The following CCDC30 variants were observed in gnomAD, a reference collection of about 807,000 sequenced individuals.
CCDC30 encodes the protein coiled-coil domain-containing protein 30.
CCDC30 carries 70 observed loss-of-function variants against 100.2 expected under a neutral mutation model. The ratio of observed to expected loss-of-function variants is 0.70; its 90% CI spans 0.58 to 0.85. CCDC30 has a LOEUF of 0.85. Among genes scored for constraint, CCDC30 ranks in the 40% least tolerant of loss-of-function variants. The pLI, the probability that CCDC30 is intolerant of heterozygous loss-of-function variation, is 0.00. For synonymous variants in CCDC30, 233 were observed against 269.5 expected, an observed-to-expected ratio of 0.86 and a Z score of 1.33; for missense variants, 652 against 771.2, an observed-to-expected ratio of 0.85 and a Z score of 1.83.
At position 42,531,585 on chromosome 1, in the gene CCDC30, A is replaced by G. The variant is rs142771993; in HGVS notation, c.456+32669A>G. On this transcript the variant is annotated intron_variant, in intron 6 of 16. Coordinates refer to ENST00000668663, the Ensembl canonical transcript of CCDC30. Reference sequence around the variant, plus strand: ...AGACCAGCCTGGGCAACATGGCAAAACCCCACCTCCACAAAAAAATACAAA... The same window carrying G: ...AGACCAGCCTGGGCAACATGGCAAAGCCCCACCTCCACAAAAAAATACAAA... Among the ~76,000 whole-genome samples, 790 of 151,826 alleles carry G rather than the reference A, an allele frequency of 5.2e-3. 7 individuals carry two copies. The highest frequency in any genetic ancestry group is 0.018 in the African/African-American group (763 of 41,358).
exon 16 of CCDC30, chr1:42,653,386 T>G: frequency 6.2e-7 from 1 of 1,601,972 alleles, no homozygotes; most frequent in Non-Finnish European, 8.5e-7. Context: ...GAAACAACAA[T>G]TAGTGACATC....
At chr1:42,640,573 T>G (rs1385440297) in intron 12 of CCDC30, among the ~76,000 whole-genome samples, 1 of 152,160 alleles carries the variant, frequency 6.6e-6, no homozygotes, top group Non-Finnish European at 1.5e-5. Context: ...CGGAACATAA[T>G]CTAATCAACA....
At chr1:42,462,217 G>A (rs1469854367), upstream of CCDC30, among the ~76,000 whole-genome samples, 1 of 152,150 alleles carries the variant, frequency 6.6e-6, no homozygotes, top group Non-Finnish European at 1.5e-5. Flanking sequence ...AAATTCCAGG[G>A]GGGTGGGGGA....
At chr1:42,533,072 T>C (rs1644832165) in intron 6 of CCDC30, among the ~76,000 whole-genome samples, 1 of 152,242 alleles carries the variant, frequency 6.6e-6, no homozygotes, top group African/African-American at 2.4e-5. Flanking sequence ...CTTTTAGTTT[T>C]GACGTAAATC....
intron 3 of CCDC30, among the ~76,000 whole-genome samples, chr1:42,483,860 CA>C (rs1420231211): frequency 2.0e-5 from 3 of 152,048 alleles, no homozygotes; most frequent in African/African-American, 7.2e-5. Flanking sequence ...TCTGAGTTTT[CA>C]TGTTTAAAGC....
intron 11 of CCDC30, among the ~76,000 whole-genome samples, chr1:42,629,135 G>C (rs1557471389): frequency 6.6e-6 from 1 of 152,194 alleles, no homozygotes; most frequent in Non-Finnish European, 1.5e-5. Flanking sequence ...TATACCTTCA[G>C]AAGATTTCTT....
At position 42,550,131 on chromosome 1, in the gene CCDC30, C is replaced by T. The variant is rs116263012; in HGVS notation, c.457-16165C>T. On this transcript the variant is annotated intron_variant, in intron 6 of 16. Coordinates refer to ENST00000668663, the Ensembl canonical transcript of CCDC30. ...TGATCAAGCCAAAACCTAGGAGTCA[C>T]CTTTGATTCTTCCCCACATCTGTTC... 3.0e-3 allele frequency among the ~76,000 whole-genome samples: 459 copies of T among 152,284 alleles called. 3 individuals carry two copies. Among genetic ancestry groups the T allele is most frequent in the African/African-American group, 0.011 (440 of 41,566 alleles).
chr1:42,484,089 A>G (rs1444364145), intron 3 of CCDC30, among the ~76,000 whole-genome samples: 1 of 152,138 alleles, frequency 6.6e-6, no homozygotes, highest in Non-Finnish European at 1.5e-5. Context: ...TTAAATGTAT[A>G]AAACAATAAT....
At chr1:42,531,982 C>T (rs1424796549) in intron 6 of CCDC30, among the ~76,000 whole-genome samples, 1 of 152,086 alleles carries the variant, frequency 6.6e-6, no homozygotes, top group Non-Finnish European at 1.5e-5. Flanking sequence ...GATTTCAAAT[C>T]TCAACCTAAC....
At chr1:42,494,266 A>G (rs1308026928) in intron 4 of CCDC30, among the ~76,000 whole-genome samples, 1 of 152,236 alleles carries the variant, frequency 6.6e-6, no homozygotes, top group South Asian at 2.1e-4. Flanking sequence ...AGGATTCCCT[A>G]TTTAATAAAT....
intron 15 of CCDC30, among the ~76,000 whole-genome samples, chr1:42,648,069 T>C (rs1050074644): frequency 3.9e-5 from 6 of 151,936 alleles, no homozygotes; most frequent in African/African-American, 1.5e-4. Flanking sequence ...GCCTCCTGAG[T>C]AGCTGGGATT....
intron 10 of CCDC30, among the ~76,000 whole-genome samples, chr1:42,601,051 G>A (rs375291739): frequency 1.1e-4 from 17 of 152,102 alleles, no homozygotes; most frequent in African/African-American, 2.7e-4. Flanking sequence ...GTGTGAGAAC[G>A]GACTAATACA....
chr1:42,512,632 T>C (rs1644495824), intron 6 of CCDC30, among the ~76,000 whole-genome samples: 1 of 152,060 alleles, frequency 6.6e-6, no homozygotes, highest in Non-Finnish European at 1.5e-5. Flanking sequence ...AAGAAGGAAA[T>C]TTTGCAACAG....
intron 15 of CCDC30, among the ~76,000 whole-genome samples, chr1:42,650,539 GTA>G: frequency 6.8e-6 from 1 of 147,170 alleles, no homozygotes; most frequent in South Asian, 2.2e-4. Context: ...GTGTGTGTGT[GTA>G]TAACAGAACT....
intron 1 of CCDC30, chr1:42,467,923 C>T (rs1360947784): frequency 1.3e-5 from 2 of 152,236 alleles, no homozygotes; most frequent in Non-Finnish European, 1.5e-5. Context: ...TAGTTCTTTT[C>T]AGCCTTGCTG....
chr1:42,496,116 T>C (rs934815127), intron 4 of CCDC30, among the ~76,000 whole-genome samples: 1 of 108,054 alleles, frequency 9.3e-6, no homozygotes, highest in Non-Finnish European at 1.9e-5. Flanking sequence ...GGTTTTTTAT[T>C]TGTGGAGTGT....
intron 11 of CCDC30, among the ~76,000 whole-genome samples, chr1:42,613,927 A>G (rs1646674991): frequency 1.3e-5 from 2 of 151,996 alleles, no homozygotes; most frequent in Admixed American, 6.6e-5. Context: ...TACCCAGCTT[A>G]TTCAACATGG....
At chr1:42,558,447 G>T (rs774667940) in intron 6 of CCDC30, among the ~76,000 whole-genome samples, 5 of 152,194 alleles carry the variant, frequency 3.3e-5, no homozygotes, top group Non-Finnish European at 7.3e-5. Context: ...AAACATTATT[G>T]AGTGCTTATT....
At chr1:42,480,517 G>A (rs764837529) in exon 2 of CCDC30, 8 of 597,542 alleles carry the variant, frequency 1.3e-5, no homozygotes, top group Middle Eastern at 8.5e-4. Context: ...TCAACCTCCT[G>A]GGCTCAAGTA....
Sources: gnomAD v4.1 joint callset for allele counts (sites outside exome capture counted in the v4.1 genomes callset) on GRCh38, gnomAD v4.1.1 for gene constraint, MANE v1.5 for transcripts, NCBI Gene and HGNC (gene_info 2026-07-23, HGNC 2026-07-21) for gene names.